TFDP2: variants seen among roughly 807,000 people sequenced by gnomAD.
TFDP2 encodes the protein transcription factor Dp-2.
A neutral mutation model predicts 59.3 loss-of-function variants in TFDP2; 17 were observed. The observed-to-expected ratio is 0.29, with a 90% confidence interval of 0.20 to 0.43. The LOEUF is 0.43. TFDP2 is among the 20% of genes least tolerant of loss of function. The pLI, the probability that TFDP2 is intolerant of heterozygous loss-of-function variation, is 1.00. For missense variants in TFDP2, 391 were observed against 528.8 expected (o/e 0.74, Z 2.56); for synonymous variants, 180 against 194.7 (o/e 0.92, Z 0.63).
At chr3:142,065,154 ATTT>A (rs10711434) in intron 3 of TFDP2, among the ~76,000 whole-genome samples, 1 of 148,048 alleles carries the variant, frequency 6.8e-6, no homozygotes, top group Non-Finnish European at 1.5e-5. Flanking sequence ...GATCATTAAG[ATTT>A]TTTTTTTTTT....
At chr3:142,093,315 G>A (rs55884097) in intron 2 of TFDP2, among the ~76,000 whole-genome samples, 188 bp from the exon 3 acceptor site, 12,951 of 152,078 alleles carry the variant, frequency 0.085, 695 homozygotes, top group Middle Eastern at 0.14. Flanking sequence ...AAAAGGGGAA[G>A]AATATTGCCT....
At chr3:142,048,525 A>G (rs1947460087) in intron 3 of TFDP2, among the ~76,000 whole-genome samples, 1 of 152,144 alleles carries the variant, frequency 6.6e-6, no homozygotes, top group Non-Finnish European at 1.5e-5. Context: ...ATATTTCTAA[A>G]GAAAGATATA....
chr3:141,983,280 G>A (rs1941683228), intron 6 of TFDP2, among the ~76,000 whole-genome samples: 1 of 152,062 alleles, frequency 6.6e-6, no homozygotes, highest in South Asian at 2.1e-4. Context: ...TCTAGTTAAA[G>A]AACACTAAAA....
chr3:142,074,752 T>C (rs1396462425), intron 3 of TFDP2, among the ~76,000 whole-genome samples: 2 of 152,108 alleles, frequency 1.3e-5, no homozygotes, highest in East Asian at 3.9e-4. Flanking sequence ...CTCGGGAGGC[T>C]GAGGCATGAG....
At chr3:142,048,055 T>G (rs972564323) in intron 3 of TFDP2, among the ~76,000 whole-genome samples, 1 of 152,066 alleles carries the variant, frequency 6.6e-6, no homozygotes, top group African/African-American at 2.4e-5. Context: ...ATATGCTAAT[T>G]ATTAGACACT....
At chr3:141,973,093 G>GTGTATATATA (rs1457558651) in intron 8 of TFDP2, among the ~76,000 whole-genome samples, 5 of 103,194 alleles carry the variant, frequency 4.8e-5, no homozygotes, top group African/African-American at 1.1e-4. Context: ...AAAGCTATGT[G>GTGTATATATA]TATATATATA....
intron 6 of TFDP2, among the ~76,000 whole-genome samples, chr3:141,992,126 G>C (rs1285473418): frequency 6.6e-6 from 1 of 150,584 alleles, no homozygotes; most frequent in Non-Finnish European, 1.5e-5. Flanking sequence ...AAAGCATAAA[G>C]AAAAAAATGA....
chr3:142,023,566 T>C (rs1246107019), intron 3 of TFDP2, among the ~76,000 whole-genome samples: 1 of 151,810 alleles, frequency 6.6e-6, no homozygotes, highest in Non-Finnish European at 1.5e-5. Context: ...GAATTAAGAG[T>C]TCCAAAGCAG....
chr3:141,988,190 C>A lies in TFDP2; in HGVS notation c.356+5348G>T, dbSNP rs189918832. On this transcript the variant is annotated intron_variant, in intron 6 of 12. Transcript: ENST00000489671. ...CGAATTCTTGGGCGCAAGAGAATCG[C>A]CTGGGTTGGCCTCCCAAAGTGCTGG... Among the ~76,000 whole-genome samples, 15 of 152,166 alleles carry A rather than the reference C, an allele frequency of 9.9e-5. No homozygotes were observed. The South Asian group carries it at 2.9e-3, about 29-fold the overall frequency.
intron 1 of TFDP2, among the ~76,000 whole-genome samples, chr3:142,104,911 AT>A (rs2061426154): frequency 6.6e-6 from 1 of 152,168 alleles, no homozygotes; most frequent in Non-Finnish European, 1.5e-5. Flanking sequence ...CATCTAATAA[AT>A]AAAGCAGCAG....
At chr3:142,000,272 G>A in intron 4 of TFDP2, 2 of 702,832 alleles carry the variant, frequency 2.8e-6, no homozygotes, top group Non-Finnish European at 5.2e-6. Context: ...GTTGCTGAGA[G>A]GTCCAAAATG....
chr3:141,973,093 G>GTATATATATATATATATATATATATATA (rs1553761666), intron 8 of TFDP2, among the ~76,000 whole-genome samples: 1 of 103,166 alleles, frequency 9.7e-6, no homozygotes, highest in Non-Finnish European at 1.9e-5. Flanking sequence ...AAAGCTATGT[G>GTATATATATATATATATATATATATATA]TATATATATA....
At chr3:142,006,933 T>C (rs1944267875) in intron 3 of TFDP2, among the ~76,000 whole-genome samples, 1 of 152,112 alleles carries the variant, frequency 6.6e-6, no homozygotes, top group Non-Finnish European at 1.5e-5. Context: ...CCTGCCATCA[T>C]GCCTGGCTAA....
At chr3:141,959,608 A>G (rs1366649252) in intron 11 of TFDP2, 66 bp downstream of exon 11, 1 of 1,554,056 alleles carries the variant, frequency 6.4e-7, no homozygotes, top group Non-Finnish European at 8.7e-7. Context: ...TCTATAAGAA[A>G]GGTTTTAACA....
chr3:142,066,746 C>T (rs73232667), intron 3 of TFDP2, among the ~76,000 whole-genome samples: 12,849 of 152,078 alleles, frequency 0.084, 684 homozygotes, highest in Middle Eastern at 0.14. Context: ...CTATAAAGGA[C>T]TAAAAATAAT....
intron 8 of TFDP2, among the ~76,000 whole-genome samples, chr3:141,971,467 C>T (rs929673345): frequency 4.0e-5 from 6 of 151,290 alleles, no homozygotes; most frequent in East Asian, 1.9e-4. Context: ...GAGAATTGCT[C>T]GAACCCGGGA....
intron 7 of TFDP2, among the ~76,000 whole-genome samples, chr3:141,977,766 A>G (rs1940917705): frequency 1.3e-5 from 2 of 152,044 alleles, no homozygotes; most frequent in Admixed American, 1.3e-4. Flanking sequence ...GCTGGAGTAC[A>G]GTGGTGCGAT....
chr3:141,993,627 A>C, intron 5 of TFDP2, 42 bp from the exon 6 acceptor site: 1 of 1,162,160 alleles, frequency 8.6e-7, no homozygotes. Flanking sequence ...TACATACTTA[A>C]ATACAATTTA....
chr3:141,964,085 AC>A, intron 9 of TFDP2, 122 bp from the exon 10 acceptor site: 1 of 788,850 alleles, frequency 1.3e-6, no homozygotes, highest in Admixed American at 3.2e-5. Context: ...TCCCGCCTGC[AC>A]TAATGAATTA....
Sources: gnomAD v4.1 joint callset for allele counts (sites outside exome capture counted in the v4.1 genomes callset) on GRCh38, gnomAD v4.1.1 for gene constraint, MANE v1.5 for transcripts, NCBI Gene and HGNC (gene_info 2026-07-23, HGNC 2026-07-21) for gene names.